DDR2: variants seen among roughly 807,000 people sequenced by gnomAD.
The protein encoded by DDR2 is discoidin domain receptor tyrosine kinase 2.
In DDR2, 27 loss-of-function variants were observed where a neutral mutation model predicts 94.9. That is an observed-to-expected ratio of 0.28 (90% CI 0.21 to 0.39). The LOEUF is 0.39. DDR2 is among the 10% of genes least tolerant of loss of function. DDR2 has a pLI of 1.00. For missense variants in DDR2, 783 were observed against 1,076.0 expected (o/e 0.73, Z 3.81); for synonymous variants, 382 against 377.2 (o/e 1.01, Z -0.15).
Position 162,761,473 on chromosome 1 carries a change from C to T in DDR2, c.1099+19C>T. The stretch of plus-strand genomic sequence containing the variant: ...CAATCAGGTAGGGAGCTCAGGTCCT[C>T]TTTGGGAAGTGGGAGCAAGGTGATG... On this transcript the variant is annotated intron_variant, in intron 9 of 17. Coordinates refer to ENST00000367921, the MANE Select transcript of DDR2 (RefSeq NM_006182.4). The T allele has an allele frequency of 6.2e-7, 1 of 1,614,156 alleles. No homozygotes were observed. Among genetic ancestry groups the T allele is most frequent in the Non-Finnish European group, 8.5e-7 (1 of 1,180,002 alleles).
chr1:162,766,209 G>A (rs1474798645), intron 10 of DDR2, 146 bp downstream of exon 10: 6 of 797,192 alleles, frequency 7.5e-6, no homozygotes, highest in Non-Finnish European at 1.3e-5. Context: ...AGGTAGGACT[G>A]TCTACCTCCA....
At chr1:162,659,345 T>A (rs190854005) in intron 2 of DDR2, among the ~76,000 whole-genome samples, 137 of 152,218 alleles carry the variant, frequency 9.0e-4, no homozygotes, top group Admixed American at 4.1e-3. Context: ...CCTTGGGGGC[T>A]AGGAAGGAAT....
At chr1:162,774,432 GGT>G (rs141004620) in intron 14 of DDR2, among the ~76,000 whole-genome samples, 5,577 of 152,204 alleles carry the variant, frequency 0.037, 318 homozygotes, top group African/African-American at 0.13. Context: ...TTCCAAGAAT[GGT>G]GATAGACTTC....
chr1:162,755,751 A>G lies in DDR2; in HGVS notation c.653A>G (p.Asp218Gly), dbSNP rs1250941928. 1 of 1,614,152 alleles carries G rather than the reference A, an allele frequency of 6.2e-7. No individual in the cohort carries two copies. Among genetic ancestry groups the G allele is most frequent in the Admixed American group, 1.7e-5 (1 of 60,012 alleles). The change falls in exon 7 of 18, where the codon GAT becomes GGT. Residue 218 changes from aspartate (D) to glycine (G), a missense_variant. Coordinates refer to ENST00000367921, the MANE Select transcript of DDR2 (RefSeq NM_006182.4). ...SIIYLNDSVY[D>G]GAVGYSMTEG... ...ATTTATCTGAATGATTCTGTCTATG[A>G]TGGAGCTGTTGGATACAGGTAAATC...
In DDR2 at chr1:162,763,034, G is replaced by T. The variant is rs1052478978; in HGVS notation, c.1099+1580G>T. ...CTATGTTTAGTAGAGATAGGGTTTC[G>T]CCATGTTGGCCAGGCTGGTCTCGAA... On this transcript the variant is annotated intron_variant, in intron 9 of 17. Coordinates refer to ENST00000367921, the MANE Select transcript of DDR2 (RefSeq NM_006182.4). 7.9e-5 allele frequency among the ~76,000 whole-genome samples: 12 copies of T among 151,596 alleles called. 1 individual carries two copies. The highest frequency in any genetic ancestry group is 1.0e-4 in the Non-Finnish European group (7 of 67,922).
chr1:162,702,651 A>T (rs543312662), intron 2 of DDR2, among the ~76,000 whole-genome samples: 20 of 152,314 alleles, frequency 1.3e-4, no homozygotes, highest in Admixed American at 4.6e-4. Flanking sequence ...CAGTATATTT[A>T]TTGTCTACCA....
intron 1 of DDR2, among the ~76,000 whole-genome samples, chr1:162,648,068 T>C (rs1427953509): frequency 6.6e-6 from 1 of 152,114 alleles, no homozygotes; most frequent in Admixed American, 6.6e-5. Flanking sequence ...TTTTTTTTTT[T>C]TTTGAGTACT....
chr1:162,657,782 T>G (rs879586238), intron 2 of DDR2, among the ~76,000 whole-genome samples: 1 of 151,882 alleles, frequency 6.6e-6, no homozygotes, highest in African/African-American at 2.4e-5. Flanking sequence ...CTAGTCAGTC[T>G]TCCTCCACCC....
rs537273435 is a variant in DDR2, at chr1:162,750,246, A to G, written c.83-2849A>G. ...CATGATTGTATATTTAGAAAACCCC[A>G]TCATCTCAGCCCCAAATCTCCTTAA... is the stretch of plus-strand genomic sequence containing the variant. On this transcript the variant is annotated intron_variant, in intron 3 of 17. Coordinates refer to ENST00000367921, the MANE Select transcript of DDR2 (RefSeq NM_006182.4). Among the ~76,000 whole-genome samples the G allele has an allele frequency of 2.8e-3, 429 of 152,288 alleles. 2 individuals carry two copies. Among genetic ancestry groups the G allele is most frequent in the African/African-American group, 9.7e-3 (403 of 41,564 alleles).
intron 2 of DDR2, among the ~76,000 whole-genome samples, chr1:162,672,554 A>C (rs1658914681): frequency 6.6e-6 from 1 of 152,174 alleles, no homozygotes; most frequent in South Asian, 2.1e-4. Context: ...ATGCATATTT[A>C]TACTAAACTA....
Position 162,763,250 on chromosome 1 carries a change from G to A in DDR2, c.1099+1796G>A, listed in dbSNP as rs564409563. 6.0e-4 allele frequency among the ~76,000 whole-genome samples: 86 copies of A among 143,360 alleles called. 1 individual carries two copies. The highest frequency in any genetic ancestry group is 2.1e-3 in the African/African-American group (79 of 37,812). 94.0% of individuals were successfully genotyped at this position (143,360 alleles called of 152,430 possible). A position where few individuals can be genotyped will look rare whatever the true frequency, so the allele number is the denominator to read the frequency against. On this transcript the variant is annotated intron_variant, in intron 9 of 17. Coordinates refer to ENST00000367921, the MANE Select transcript of DDR2 (RefSeq NM_006182.4). ...GGCTGGAGTACTATCTTGAGTCATT[G>A]CAACCTCCACCTCCCAGGTTCAAGT...
chr1:162,635,455 C>A (rs891616388), intron 1 of DDR2, among the ~76,000 whole-genome samples: 14 of 152,276 alleles, frequency 9.2e-5, no homozygotes, highest in Non-Finnish European at 1.8e-4. Flanking sequence ...GTCTCGCAGG[C>A]ATCCAAAAAG....
rs139354227 is a variant in DDR2, at chr1:162,645,690, G to T, written c.-191-9521G>T. ...TATGTTGAACAAATTGTTATTAATA[G>T]CTTTGAGGGTTCATAAGTTCAGGAA... On this transcript the variant is annotated intron_variant, in intron 1 of 17. Coordinates refer to ENST00000367921, the MANE Select transcript of DDR2 (RefSeq NM_006182.4). Among the ~76,000 whole-genome samples the T allele has an allele frequency of 7.6e-3, 1,153 of 152,276 alleles. 6 individuals carry two copies. Among genetic ancestry groups the T allele is most frequent in the Non-Finnish European group, 0.013 (853 of 68,020 alleles).
In DDR2 at chr1:162,704,268, CCCCAATCA is replaced by C. The variant is rs1395992886; in HGVS notation, c.-27-14766_-27-14759del. ...TGCTGAGATAAATGCCTGTTCCATT[CCCCAATCA>C]CCAGAAAATGCCTTGGAGCAATGGA... On this transcript the variant is annotated intron_variant, in intron 2 of 17. Coordinates refer to ENST00000367921, the MANE Select transcript of DDR2 (RefSeq NM_006182.4). 8.9e-4 allele frequency among the ~76,000 whole-genome samples: 136 copies of C among 152,274 alleles called. 1 individual carries two copies. The highest frequency in any genetic ancestry group is 3.2e-3 in the African/African-American group (131 of 41,556).
At chr1:162,709,958 G>A (rs1258777560) in intron 2 of DDR2, among the ~76,000 whole-genome samples, 5 of 152,154 alleles carry the variant, frequency 3.3e-5, no homozygotes, top group African/African-American at 1.2e-4. Flanking sequence ...CTTCCTCCCA[G>A]TAATCAAATG....
At chr1:162,761,097 C>CTTACCTG in intron 8 of DDR2, 114 bp from the exon 9 acceptor site, 1 of 1,461,462 alleles carries the variant, frequency 6.8e-7, no homozygotes, top group Non-Finnish European at 9.5e-7. Context: ...CCTCTTACCT[C>CTTACCTG]AGTTCAGAAT....
intron 2 of DDR2, among the ~76,000 whole-genome samples, chr1:162,673,614 A>T (rs1008236761): frequency 3.4e-4 from 38 of 113,196 alleles, no homozygotes; most frequent in African/African-American, 2.1e-3. Flanking sequence ...TGTGTGAGAG[A>T]GAGAGAGAGA....
chr1:162,689,842 TAAA>T (rs1158650637), intron 2 of DDR2, among the ~76,000 whole-genome samples: 2 of 10,928 alleles, frequency 1.8e-4, no homozygotes, highest in East Asian at 6.3e-3. Flanking sequence ...CATCTCTACT[TAAA>T]AAAAAAAAAA....
chr1:162,746,676 T>C (rs1422612559), intron 3 of DDR2, among the ~76,000 whole-genome samples: 1 of 152,192 alleles, frequency 6.6e-6, no homozygotes, highest in East Asian at 1.9e-4. Context: ...CCTCATCAAG[T>C]GGGTCCCTGA....
Sources: allele counts gnomAD v4.1 joint callset (sites outside exome capture counted in the v4.1 genomes callset), GRCh38; gene constraint gnomAD v4.1.1; transcripts MANE v1.5; gene names NCBI Gene and HGNC (gene_info 2026-07-23, HGNC 2026-07-21).